The following AKT3 variants were observed in gnomAD, a reference collection of about 807,000 sequenced individuals.
AKT3 encodes AKT serine/threonine kinase 3, also known as RAC-gamma serine/threonine-protein kinase.
Under a neutral mutation model 65.3 loss-of-function variants are expected in AKT3, and 15 were observed. The ratio of observed to expected loss-of-function variants is 0.23; its 90% confidence interval spans 0.15 to 0.35. AKT3 has a LOEUF of 0.35. Among genes scored for constraint, AKT3 ranks in the 10% least tolerant of loss-of-function variants. AKT3 has a pLI of 1.00. For missense variants in AKT3, 243 were observed against 576.5 expected, an observed-to-expected ratio of 0.42 and a Z score of 5.92; for synonymous variants, 206 against 183.8, an observed-to-expected ratio of 1.12 and a Z score of -0.98.
intron 12 of AKT3, among the ~76,000 whole-genome samples, chr1:243,512,842 C>T (rs982733339): frequency 6.6e-6 from 1 of 152,156 alleles, no homozygotes; most frequent in Admixed American, 6.5e-5. Flanking sequence ...CTTAATAATA[C>T]AGCTATCACC....
At chr1:243,622,783 C>T (rs1403554612) in intron 6 of AKT3, among the ~76,000 whole-genome samples, 1 of 152,132 alleles carries the variant, frequency 6.6e-6, no homozygotes, top group Non-Finnish European at 1.5e-5. Flanking sequence ...ATCGTTGATG[C>T]AATGTTTAAT....
intron 2 of AKT3, among the ~76,000 whole-genome samples, chr1:243,713,582 T>G (rs1457889281): frequency 6.6e-6 from 1 of 151,974 alleles, no homozygotes; most frequent in Non-Finnish European, 1.5e-5. Context: ...GTCATTTTTT[T>G]CTTCTCCCTA....
intron 2 of AKT3, among the ~76,000 whole-genome samples, chr1:243,825,101 A>G (rs1694089776): frequency 6.6e-6 from 1 of 152,246 alleles, no homozygotes; most frequent in Non-Finnish European, 1.5e-5. Flanking sequence ...CGTCCTTTGC[A>G]GGAGCATGGA....
intron 2 of AKT3, among the ~76,000 whole-genome samples, chr1:243,708,138 T>C (rs748051205): frequency 2.0e-5 from 3 of 152,066 alleles, no homozygotes; most frequent in Non-Finnish European, 4.4e-5. Context: ...TATGAACCCA[T>C]CTAATTTGAC....
At chr1:243,488,904 G>C (rs1005433866) in intron 13 of AKT3, 10 of 1,525,032 alleles carry the variant, frequency 6.6e-6, no homozygotes, top group Non-Finnish European at 8.1e-6. Context: ...CACCCTAGGC[G>C]TCCTGCTCAT....
At chr1:243,527,934 CACAGAGAG>C (rs1202251089) in intron 12 of AKT3, among the ~76,000 whole-genome samples, 43 of 29,096 alleles carry the variant, frequency 1.5e-3, no homozygotes, top group Non-Finnish European at 1.8e-3. Flanking sequence ...CACACACACA[CACAGAGAG>C]AGAGAGAGAG....
At position 243,819,703 on chromosome 1, in the gene AKT3, C is replaced by A. The variant is rs563086523; in HGVS notation, c.46+23422G>T. Among the ~76,000 whole-genome samples the A allele has an allele frequency of 7.9e-5, 12 of 152,290 alleles. No homozygotes were observed. In the East Asian group the frequency reaches 1.7e-3, roughly 22 times the overall value. ...TGCCTCCTGACTGAGAGAGACCCCC[C>A]CAACAGGGGTCGCCAGACACCTTAT... On this transcript the variant is annotated intron_variant, in intron 2 of 13. Coordinates refer to ENST00000673466, the MANE Select transcript of AKT3 (RefSeq NM_005465.7).
At chr1:243,586,606 G>A (rs754648262) in intron 8 of AKT3, among the ~76,000 whole-genome samples, 7 of 152,084 alleles carry the variant, frequency 4.6e-5, no homozygotes, top group South Asian at 2.1e-4. Flanking sequence ...GCCATTATCC[G>A]GAGTGAATTA....
intron 12 of AKT3, among the ~76,000 whole-genome samples, chr1:243,516,494 T>C (rs1254121815): frequency 6.6e-6 from 1 of 152,242 alleles, no homozygotes; most frequent in Non-Finnish European, 1.5e-5. Flanking sequence ...TCCCAATCTT[T>C]ATTTCCTTTG....
At chr1:243,659,649 T>C (rs1340648091) in intron 4 of AKT3, among the ~76,000 whole-genome samples, 1 of 152,152 alleles carries the variant, frequency 6.6e-6, no homozygotes, top group Non-Finnish European at 1.5e-5. Flanking sequence ...AAATGGATTA[T>C]CTAATAAATG....
chr1:243,721,966 C>T (rs1686940056), intron 2 of AKT3, among the ~76,000 whole-genome samples: 1 of 152,056 alleles, frequency 6.6e-6, no homozygotes, highest in Admixed American at 6.6e-5. Flanking sequence ...TAATTTTCAA[C>T]TTTTATAGCA....
At chr1:243,559,846 A>G (rs1312345095) in intron 10 of AKT3, among the ~76,000 whole-genome samples, 1 of 152,144 alleles carries the variant, frequency 6.6e-6, no homozygotes, top group African/African-American at 2.4e-5. Context: ...TACTTCTAGT[A>G]CTGTCACGAA....
At chr1:243,652,047 CTTT>C (rs74162302) in intron 4 of AKT3, among the ~76,000 whole-genome samples, 12 of 135,922 alleles carry the variant, frequency 8.8e-5, no homozygotes, top group African/African-American at 1.9e-4. Context: ...GAAAAGAATT[CTTT>C]TTTTTTTTTT....
chr1:243,515,401 A>AT (rs1032277057), intron 12 of AKT3, among the ~76,000 whole-genome samples: 2 of 152,048 alleles, frequency 1.3e-5, no homozygotes, highest in African/African-American at 4.8e-5. Context: ...AAAAAAAAAA[A>AT]ACCCAATTCC....
intron 2 of AKT3, among the ~76,000 whole-genome samples, chr1:243,745,651 C>T (rs995172212): frequency 7.2e-5 from 11 of 152,158 alleles, no homozygotes; most frequent in Non-Finnish European, 1.3e-4. Flanking sequence ...TTGAATGCGC[C>T]TCAACACAAT....
At chr1:243,632,865 C>G (rs1679707398) in intron 6 of AKT3, among the ~76,000 whole-genome samples, 2 of 152,196 alleles carry the variant, frequency 1.3e-5, no homozygotes, top group Non-Finnish European at 2.9e-5. Flanking sequence ...TCTTCTGCAG[C>G]TTCCTTACTT....
chr1:243,525,810 G>A (rs866201188), intron 12 of AKT3, among the ~76,000 whole-genome samples: 13 of 320 alleles, frequency 0.041, no homozygotes, highest in Middle Eastern at 0.25. Context: ...AAAGAGAGAG[G>A]GAGAGGGAGG....
intron 9 of AKT3, among the ~76,000 whole-genome samples, chr1:243,571,480 A>G (rs1558623405): frequency 1.3e-5 from 2 of 152,136 alleles, no homozygotes; most frequent in African/African-American, 4.8e-5. Flanking sequence ...AGCTTTCTGG[A>G]TGTTACCTAT....
At chr1:243,770,543 G>C (rs761861304) in intron 2 of AKT3, among the ~76,000 whole-genome samples, 7 of 152,100 alleles carry the variant, frequency 4.6e-5, no homozygotes, top group Non-Finnish European at 1.0e-4. Flanking sequence ...AGAAGACAGA[G>C]ATAGGCATGT....
Sources: gnomAD v4.1 joint callset for allele counts (sites outside exome capture counted in the v4.1 genomes callset) on GRCh38, gnomAD v4.1.1 for gene constraint, MANE v1.5 for transcripts, NCBI Gene and HGNC (gene_info 2026-07-23, HGNC 2026-07-21) for gene names.